Variants in AP2B1 observed in about 807,000 individuals in gnomAD.
The protein encoded by AP2B1 is AP-2 complex subunit beta.
Under a neutral mutation model 102.0 loss-of-function variants are expected in AP2B1, and 23 were observed. The ratio of observed to expected loss-of-function variants is 0.23; its 90% CI spans 0.16 to 0.32. The LOEUF is 0.32. AP2B1 is among the 10% of genes least tolerant of loss of function. The pLI is 1.00. For missense variants in AP2B1, 541 were observed against 1,157.4 expected (o/e 0.47, Z 7.73); for synonymous variants, 381 against 421.2 (o/e 0.90, Z 1.17).
intron 14 of AP2B1, among the ~76,000 whole-genome samples, chr17:35,665,403 A>G (rs1352818027): frequency 1.3e-5 from 2 of 152,186 alleles, no homozygotes; most frequent in Admixed American, 1.3e-4. Flanking sequence ...TGGGATTATA[A>G]GTGTGAGCCA....
chr17:35,714,752 A>G (rs1208128575), intron 20 of AP2B1, among the ~76,000 whole-genome samples: 4 of 152,174 alleles, frequency 2.6e-5, no homozygotes, highest in African/African-American at 9.7e-5. Flanking sequence ...AAGAAATCAT[A>G]TCTTGAACGA....
Position 35,617,509 on chromosome 17 carries a change from A to C in AP2B1, c.526-6888A>C, listed in dbSNP as rs1471379279. On this transcript the variant is annotated intron_variant, in intron 5 of 21. Transcript: ENST00000610402. ...TAAAACTTTTAGGATGAAGAATTTT[A>C]AAGATTAAATTTTTTAAAGCTCTGA... 2.0e-5 allele frequency among the ~76,000 whole-genome samples: 3 copies of C among 152,228 alleles called. No homozygotes were observed. In the East Asian group the frequency reaches 5.8e-4, roughly 29 times the overall value.
intron 12 of AP2B1, among the ~76,000 whole-genome samples, chr17:35,646,526 A>G (rs539707865): frequency 1.3e-5 from 2 of 151,834 alleles, no homozygotes; most frequent in African/African-American, 2.4e-5. Context: ...GTAGTTTGCC[A>G]TATTGCAGCA....
chr17:35,701,210 T>C (rs587715795), intron 18 of AP2B1, among the ~76,000 whole-genome samples: 2 of 152,276 alleles, frequency 1.3e-5, no homozygotes, highest in South Asian at 2.1e-4. Flanking sequence ...TTTCAGGAAA[T>C]ATTACTTACT....
chr17:35,650,943 A>G (rs764921790), intron 13 of AP2B1, 154 bp downstream of exon 13: 4 of 800,220 alleles, frequency 5.0e-6, no homozygotes, highest in Non-Finnish European at 7.8e-6. Flanking sequence ...ACATTTTTGG[A>G]CACCTACTAC....
At chr17:35,611,404 G>C (rs1004647149) in intron 5 of AP2B1, among the ~76,000 whole-genome samples, 1 of 152,174 alleles carries the variant, frequency 6.6e-6, no homozygotes, top group African/African-American at 2.4e-5. Context: ...ATTCTTTAAT[G>C]CAGAACCTAT....
At chr17:35,656,631 C>T (rs980574568) in intron 13 of AP2B1, among the ~76,000 whole-genome samples, 3 of 152,278 alleles carry the variant, frequency 2.0e-5, no homozygotes, top group South Asian at 2.1e-4. Flanking sequence ...TGCGGTGGCT[C>T]ACGCCTGTAA....
chr17:35,685,258 A>G (rs1462993224), intron 18 of AP2B1, among the ~76,000 whole-genome samples: 2 of 152,238 alleles, frequency 1.3e-5, no homozygotes, highest in Admixed American at 1.3e-4. Flanking sequence ...CCCTGTGAGC[A>G]GCTCTACTTA....
chr17:35,661,035 G>A (rs16971258), intron 14 of AP2B1, among the ~76,000 whole-genome samples: 4,884 of 152,208 alleles, frequency 0.032, 96 homozygotes, highest in Middle Eastern at 0.054. Context: ...ATTTCAGGAA[G>A]GCTATCAACC....
At chr17:35,717,756 A>G (rs367931851) in intron 21 of AP2B1, among the ~76,000 whole-genome samples, 1 of 152,220 alleles carries the variant, frequency 6.6e-6, no homozygotes, top group Admixed American at 6.5e-5. Context: ...ACCTAAGGCT[A>G]TCAGAGTCAT....
intron 18 of AP2B1, among the ~76,000 whole-genome samples, chr17:35,687,216 A>G (rs1057248632): frequency 2.0e-5 from 3 of 152,034 alleles, no homozygotes; most frequent in Admixed American, 6.5e-5. Flanking sequence ...GGCTCAAGCA[A>G]TCCTCCCACC....
rs117097051 is a variant in AP2B1, at chr17:35,594,087, C to A, written c.37+20C>A. 15,441 of 1,557,890 alleles carry A rather than the reference C, an allele frequency of 9.9e-3. 111 individuals carry two copies. Among genetic ancestry groups the A allele is most frequent in the Middle Eastern group, 0.031 (182 of 5,940 alleles). On this transcript the variant is annotated intron_variant, in intron 2 of 21. Coordinates refer to ENST00000610402, the MANE Select transcript of AP2B1 (RefSeq NM_001030006.2). The stretch of plus-strand genomic sequence containing the variant: ...AAAAAGGTAAGTATGAGAATACAAT[C>A]AAATCTTTTGAAATTTTCAAAAGTT...
intron 20 of AP2B1, among the ~76,000 whole-genome samples, chr17:35,714,216 G>T (rs1210002330): frequency 6.6e-6 from 1 of 152,158 alleles, no homozygotes; most frequent in African/African-American, 2.4e-5. Context: ...TTTTGTTGCG[G>T]CTCTCCCCAT....
intron 9 of AP2B1, among the ~76,000 whole-genome samples, chr17:35,635,604 G>T (rs1387497332): frequency 6.6e-6 from 1 of 152,008 alleles, no homozygotes; most frequent in Non-Finnish European, 1.5e-5. Flanking sequence ...GGCTGGTCTT[G>T]AACTCCTGAC....
intron 13 of AP2B1, among the ~76,000 whole-genome samples, chr17:35,651,783 A>G (rs993614341): frequency 2.0e-5 from 3 of 152,116 alleles, no homozygotes; most frequent in African/African-American, 7.2e-5. Context: ...TTGGGTTTAC[A>G]GCAGGTGCTA....
intron 18 of AP2B1, among the ~76,000 whole-genome samples, chr17:35,705,504 A>G (rs980828231): frequency 6.6e-6 from 1 of 152,008 alleles, no homozygotes; most frequent in South Asian, 2.1e-4. Context: ...AAAACAGGAG[A>G]TGGTGAAAGC....
intron 5 of AP2B1, among the ~76,000 whole-genome samples, chr17:35,623,303 C>A (rs1473579436): frequency 1.3e-5 from 2 of 152,078 alleles, no homozygotes; most frequent in Non-Finnish European, 2.9e-5. Flanking sequence ...GTGGCTCACA[C>A]CTGTAATCCC....
intron 2 of AP2B1, among the ~76,000 whole-genome samples, chr17:35,597,507 T>C (rs1390043173): frequency 1.3e-5 from 2 of 152,156 alleles, no homozygotes; most frequent in African/African-American, 4.8e-5. Context: ...TCAAGATTAT[T>C]CTTGTTTGAT....
In AP2B1 at chr17:35,624,739, A is replaced by G. The variant is rs576576568; in HGVS notation, c.716+152A>G. 707 of 647,254 alleles carry G rather than the reference A, an allele frequency of 1.1e-3. 8 individuals are homozygous for G. Among genetic ancestry groups the G allele is most frequent in the Non-Finnish European group, 2.0e-4 (80 of 393,094 alleles). The allele number at this position is 647,254 out of a possible 1,614,324, so 40.1% of individuals were successfully genotyped here. ...GTATTTTCTCTCTGGATTTAGGAAT[A>G]TTTTAGGTGGTAGAATAAACTATGC... is the stretch of plus-strand genomic sequence containing the variant. On this transcript the variant is annotated intron_variant, in intron 6 of 21. Transcript: ENST00000610402.
Sources: gnomAD v4.1 joint callset for allele counts (sites outside exome capture counted in the v4.1 genomes callset) on GRCh38, gnomAD v4.1.1 for gene constraint, MANE v1.5 for transcripts, NCBI Gene and HGNC (gene_info 2026-07-23, HGNC 2026-07-21) for gene names.